Variants in FBN1 observed in about 807,000 individuals in gnomAD.
FBN1 encodes the protein fibrillin-1.
In FBN1, 29 loss-of-function variants were observed where a neutral mutation model predicts 365.1. The observed-to-expected ratio is 0.08, with a 90% confidence interval of 0.06 to 0.11. The LOEUF is 0.11. Among genes scored for constraint, FBN1 ranks in the 10% least tolerant of loss-of-function variants. The pLI is 1.00. For synonymous variants in FBN1, 1,210 were observed against 1,270.5 expected, an observed-to-expected ratio of 0.95 and a Z score of 1.01; for missense variants, 2,476 against 3,703.2, an observed-to-expected ratio of 0.67 and a Z score of 8.60.
chr15:48,494,269 GA>G lies in FBN1; in HGVS notation c.2678-16del, dbSNP rs747390622. 3.7e-6 allele frequency: 6 copies of G among 1,608,332 alleles called. No individual in the cohort carries two copies. The Admixed American group carries it at 1.0e-4, about 27-fold the overall frequency. ...ACATATGGGATCTGTAATAAAAAGCGAAAAACAAAACAGAAAACAAATTTGA... is the reference window on the plus strand; with the variant it reads ...ACATATGGGATCTGTAATAAAAAGCGAAAACAAAACAGAAAACAAATTTGA... On this transcript the variant is annotated splice_polypyrimidine_tract_variant and intron_variant, in intron 22 of 65. Transcript: ENST00000316623.
rs527820963 is a variant in FBN1 at position 48,500,683 on chromosome 15, C to T, written c.2114-1645G>A. 2.1e-4 allele frequency among the ~76,000 whole-genome samples: 32 copies of T among 152,272 alleles called. 1 individual carries two copies. Among genetic ancestry groups the T allele is most frequent in the South Asian group, 1.5e-3 (7 of 4,824 alleles). ...TGACATGAGGGATCCATGAGAAAAT[C>T]CCCCCGAATTACCCTCCTGTGGGTT... On this transcript the variant is annotated intron_variant, in intron 17 of 65. Coordinates refer to ENST00000316623, the MANE Select transcript of FBN1 (RefSeq NM_000138.5).
chr15:48,546,477 G>A (rs1161404494), intron 6 of FBN1, among the ~76,000 whole-genome samples: 2 of 152,152 alleles, frequency 1.3e-5, no homozygotes, highest in Non-Finnish European at 2.9e-5. Context: ...AGTGGCTCTG[G>A]GCTGGCAGAT....
At chr15:48,461,112 T>A (rs2043277087) in intron 42 of FBN1, among the ~76,000 whole-genome samples, 1 of 152,174 alleles carries the variant, frequency 6.6e-6, no homozygotes, top group Non-Finnish European at 1.5e-5. Flanking sequence ...AAATACAGCA[T>A]GTTATTCTCC....
At chr15:48,448,916 G>C (rs1468098976) in intron 45 of FBN1, 23 bp from the exon 46 acceptor site, 1 of 1,599,778 alleles carries the variant, frequency 6.3e-7, no homozygotes, top group Admixed American at 1.7e-5. Context: ...AGCATCTTAA[G>C]TGAGAACTTA....
chr15:48,537,987 T>C (rs549439168), intron 6 of FBN1, among the ~76,000 whole-genome samples, 179 bp from the exon 7 acceptor site: 5 of 152,292 alleles, frequency 3.3e-5, no homozygotes, highest in South Asian at 2.1e-4. Flanking sequence ...TGAACCCGAT[T>C]TCCTAACCTA....
chr15:48,553,746 C>G (rs1366105398), intron 6 of FBN1, among the ~76,000 whole-genome samples: 1 of 151,892 alleles, frequency 6.6e-6, no homozygotes, highest in Non-Finnish European at 1.5e-5. Flanking sequence ...AATGACAAGT[C>G]TGATTTGAGA....
rs749929136 is a variant in FBN1, at chr15:48,487,336, A to T, written c.3439T>A (p.Ser1147Thr). ...CCGATACACGCGGAGATGTTGGGGG[A>T]CAGCTGATGGCCAGGCGGGCATTCA... ...RCECPPGHQL[S>T]PNISACIDIN... Residue 1147 changes from serine (S) to threonine (T), a missense_variant, in exon 28 of 66, where the codon TCC (serine) becomes ACC (threonine). Physicochemically the swap from Ser to Thr is moderately conservative, Grantham distance 58. This residue lies in a region of FBN1 where 1,780 missense variants were observed against 2,840.8 expected (regional missense o/e 0.63). Coordinates refer to ENST00000316623, the MANE Select transcript of FBN1 (RefSeq NM_000138.5). 3 of 1,614,210 alleles carry T rather than the reference A, an allele frequency of 1.9e-6. No homozygotes were observed. Among genetic ancestry groups the T allele is most frequent in the Non-Finnish European group, 2.5e-6 (3 of 1,180,030 alleles).
At chr15:48,607,077 T>G (rs2044618716) in intron 4 of FBN1, among the ~76,000 whole-genome samples, 1 of 152,164 alleles carries the variant, frequency 6.6e-6, no homozygotes, top group African/African-American at 2.4e-5. Flanking sequence ...CTTTTGTTGT[T>G]TATAAGTTAT....
At chr15:48,505,609 A>G (rs1037568534) in intron 15 of FBN1, among the ~76,000 whole-genome samples, 2 of 152,186 alleles carry the variant, frequency 1.3e-5, no homozygotes, top group African/African-American at 4.8e-5. Flanking sequence ...GCTCTCTGGG[A>G]AAATTCGCCT....
At chr15:48,558,495 G>GT (rs530728051) in intron 6 of FBN1, among the ~76,000 whole-genome samples, 4 of 152,002 alleles carry the variant, frequency 2.6e-5, no homozygotes, top group Admixed American at 6.6e-5. Context: ...GCAAAGCATA[G>GT]TTTTTTTTGT....
intron 65 of FBN1, among the ~76,000 whole-genome samples, chr15:48,412,340 G>C (rs2042870154): frequency 1.3e-5 from 2 of 152,262 alleles, no homozygotes; most frequent in South Asian, 4.1e-4. Flanking sequence ...CGAGACAGAG[G>C]AAATGAGCAA....
At chr15:48,570,347 A>C (rs1263502256) in intron 6 of FBN1, among the ~76,000 whole-genome samples, 1 of 152,176 alleles carries the variant, frequency 6.6e-6, no homozygotes, top group African/African-American at 2.4e-5. Flanking sequence ...TCTTTACATA[A>C]ATCTATATCA....
intron 2 of FBN1, among the ~76,000 whole-genome samples, chr15:48,634,896 C>A (rs1208555671): frequency 7.9e-6 from 1 of 125,884 alleles, no homozygotes; most frequent in Non-Finnish European, 1.5e-5. Flanking sequence ...CACACACACA[C>A]ACACACAAAA....
chr15:48,470,570 G>A, intron 36 of FBN1, 64 bp downstream of exon 36: 3 of 1,609,298 alleles, frequency 1.9e-6, no homozygotes, highest in Non-Finnish European at 2.5e-6. Flanking sequence ...GTCCCAGGGA[G>A]GCTCCAATAG....
chr15:48,447,823 T>A (rs967335340), intron 46 of FBN1, among the ~76,000 whole-genome samples: 3 of 152,182 alleles, frequency 2.0e-5, no homozygotes, highest in Non-Finnish European at 4.4e-5. Context: ...CTAATGTGTG[T>A]CTGTGGTTGA....
At chr15:48,604,016 T>C (rs2044587360) in intron 4 of FBN1, among the ~76,000 whole-genome samples, 2 of 152,250 alleles carry the variant, frequency 1.3e-5, no homozygotes, top group African/African-American at 4.8e-5. Context: ...AGTGACTTAC[T>C]GAACGTCTTT....
intron 29 of FBN1, 138 bp downstream of exon 29, chr15:48,486,937 T>C: frequency 1.7e-6 from 1 of 587,832 alleles, no homozygotes; most frequent in Non-Finnish European, 2.5e-6. Flanking sequence ...TAAGTAAAAG[T>C]AGCGATGAAA....
intron 6 of FBN1, 53 bp downstream of exon 6, chr15:48,596,230 A>T: frequency 6.6e-7 from 1 of 1,518,858 alleles, no homozygotes. Context: ...GCAAATTAGT[A>T]ACAGCTTTAG....
chr15:48,637,733 C>A (rs1890120283), intron 2 of FBN1, among the ~76,000 whole-genome samples: 1 of 152,186 alleles, frequency 6.6e-6, no homozygotes, highest in South Asian at 2.1e-4. Context: ...TACCCAGTTC[C>A]TAGATGTTCC....
Sources: allele counts gnomAD v4.1 joint callset (sites outside exome capture counted in the v4.1 genomes callset), GRCh38; gene constraint gnomAD v4.1.1; regional missense constraint gnomAD v4.1.1; transcripts MANE v1.5; gene names NCBI Gene and HGNC (gene_info 2026-07-23, HGNC 2026-07-21).